Variants in SYNE1 observed in about 807,000 individuals in gnomAD.
The protein encoded by SYNE1 is spectrin repeat containing nuclear envelope protein 1, also known as nesprin-1.
Under a neutral mutation model 1,111.0 loss-of-function variants are expected in SYNE1, and 616 were observed. That is an observed-to-expected ratio of 0.55 (90% CI 0.52 to 0.59). The LOEUF (loss-of-function observed/expected upper bound fraction) is 0.59. SYNE1 is among the 20% of genes least tolerant of loss of function. The probability of loss-of-function intolerance (pLI) is 0.00; values close to 1 mark genes in which losing one functional copy is unlikely to be tolerated. For synonymous variants in SYNE1, 3,855 were observed against 3,825.8 expected, an observed-to-expected ratio of 1.01 and a Z score of -0.28; for missense variants, 10,006 against 10,417.0, an observed-to-expected ratio of 0.96 and a Z score of 1.72.
At position 152,241,793 on chromosome 6, in the gene SYNE1, C is replaced by T. The variant is rs576959066; in HGVS notation, c.19893+447G>A. ...TTTCTAGAGGAGAGCAAGGAGTGAGCGAGGAGTCCTTGACGAGGACAAGGG... is the reference window on the plus strand; with the variant it reads ...TTTCTAGAGGAGAGCAAGGAGTGAGTGAGGAGTCCTTGACGAGGACAAGGG... On this transcript the variant is annotated intron_variant, in intron 107 of 145. Coordinates refer to ENST00000367255, the MANE Select transcript of SYNE1 (RefSeq NM_182961.4). 2.0e-5 allele frequency among the ~76,000 whole-genome samples: 3 copies of T among 152,140 alleles called. No individual in the cohort carries two copies. In the East Asian group the frequency reaches 5.8e-4, roughly 29 times the overall value.
Position 152,122,084 on chromosome 6 carries a change from AG to A in SYNE1, c.*351del. 1 of 356,326 alleles carries A rather than the reference AG, an allele frequency of 2.8e-6. No individual in the cohort carries two copies. The highest frequency in any genetic ancestry group is 5.4e-6 in the Non-Finnish European group (1 of 185,304). 22.1% of individuals were successfully genotyped at this position (356,326 alleles called of 1,614,324 possible). A position where few individuals can be genotyped will look rare whatever the true frequency, so the allele number is the denominator to read the frequency against. ...GATGGTTGGAGCAGCACCATGGGAA[AG>A]CTGCCCAGATGGTCTACTGAAGTCC... On this transcript the variant is annotated 3_prime_UTR_variant, in exon 146 of 146. Transcript: ENST00000367255.
chr6:152,329,999 A>G lies in SYNE1; in HGVS notation c.14686T>C (p.Ser4896Pro). 6.2e-7 allele frequency: 1 copy of G among 1,614,142 alleles called. No individual in the cohort carries two copies. The highest frequency in any genetic ancestry group is 8.5e-7 in the Non-Finnish European group (1 of 1,180,038). Residue 4896 changes from serine (S) to proline (P), a missense_variant, in exon 78 of 146, where the codon TCC (serine) becomes CCC (proline). Ser to Pro is a moderately conservative substitution (Grantham distance 74). Coordinates refer to ENST00000367255, the MANE Select transcript of SYNE1 (RefSeq NM_182961.4). Reference protein sequence around the residue: ...SIDFQTEMSRSLDWLRRVKAE... With the variant: ...SIDFQTEMSRPLDWLRRVKAE... ...TTCACTCTCCTCAGCCAGTCCAGGG[A>G]GCGACTCATCTCAGTCTGGAAGTCT... is the stretch of plus-strand genomic sequence containing the variant.
chr6:152,502,569 A>T, intron 10 of SYNE1, 64 bp downstream of exon 10: 1 of 1,248,842 alleles, frequency 8.0e-7, no homozygotes, highest in Non-Finnish European at 1.2e-6. Flanking sequence ...AGAACAGTAT[A>T]CTCAAAAAGC....
Position 152,458,761 on chromosome 6 carries a change from T to G in SYNE1, c.2564A>C (p.His855Pro). The G allele has an allele frequency of 6.2e-7, 1 of 1,614,062 alleles. No individual in the cohort carries two copies. Among genetic ancestry groups the G allele is most frequent in the Non-Finnish European group, 8.5e-7 (1 of 1,179,938 alleles). The change falls in exon 22 of 146, where the codon CAT becomes CCT. Residue 855 changes from histidine to proline, a missense_variant. Physicochemically the swap from His to Pro is moderately conservative, Grantham distance 77. Around this residue, in one of 7 missense-constraint regions of SYNE1, gnomAD observed 1,971 missense variants for 2,084.1 expected, o/e 0.95. Coordinates refer to ENST00000367255, the MANE Select transcript of SYNE1 (RefSeq NM_182961.4). Reference sequence around the variant, plus strand: ...CCTGAAAAGGATTGTTCTCACCTGATGTTTTTGTTTAAAAAGGGCACTCGA... The same window carrying G: ...CCTGAAAAGGATTGTTCTCACCTGAGGTTTTTGTTTAAAAAGGGCACTCGA... ...AQSSALFKQK[H>P]QELLACQENC...
chr6:152,256,682 T>C lies in SYNE1; in HGVS notation c.19056A>G (p.Thr6352=). The C allele has an allele frequency of 1.2e-6, 2 of 1,614,042 alleles. No homozygotes were observed. Among genetic ancestry groups the C allele is most frequent in the Non-Finnish European group, 1.7e-6 (2 of 1,179,940 alleles). ...CTTGGTTCAGTCCATCCAGCAAAGA[T>C]GTAACTGCAGATTTATCTTGGGTTG... ...DVPTQDKSAV[T]SLLDGLNQAF... is the part of the protein sequence containing the mutation. The change falls in exon 102 of 146, where the codon ACA becomes ACG. Residue 6352 remains threonine (T), a synonymous_variant. Coordinates refer to ENST00000367255, the MANE Select transcript of SYNE1 (RefSeq NM_182961.4).
rs371457615 is a variant in SYNE1, at chr6:152,269,319, T to C, written c.18574-33A>G. On this transcript the variant is annotated intron_variant, in intron 98 of 145. Coordinates refer to ENST00000367255, the MANE Select transcript of SYNE1 (RefSeq NM_182961.4). ...TAACGAGGCAGAAATCAAGTCATGC[T>C]ACACACCGGAAAACCTTAACCAAAG... is the stretch of plus-strand genomic sequence containing the variant. 7.4e-6 allele frequency: 12 copies of C among 1,613,650 alleles called. No individual in the cohort carries two copies. The East Asian group carries it at 2.2e-4, about 30-fold the overall frequency.
intron 30 of SYNE1, among the ~76,000 whole-genome samples, chr6:152,442,789 T>C (rs1039364323): frequency 6.6e-6 from 1 of 151,982 alleles, no homozygotes; most frequent in Non-Finnish European, 1.5e-5. Flanking sequence ...TACAAAAATA[T>C]TAAAAAATTA....
chr6:152,261,449 G>C lies in SYNE1; in HGVS notation c.18972+583C>G, dbSNP rs138174115. ...TGCTGTCTTCAATTCCCTTGGATTT[G>C]GCATGCCTGGTGGAACCAAGCCCGA... On this transcript the variant is annotated intron_variant, in intron 101 of 145. Coordinates refer to ENST00000367255, the MANE Select transcript of SYNE1 (RefSeq NM_182961.4). Among the ~76,000 whole-genome samples the C allele has an allele frequency of 7.2e-5, 11 of 152,196 alleles. No individual in the cohort carries two copies. The East Asian group carries it at 2.1e-3, about 29-fold the overall frequency.
At chr6:152,628,584 T>A (rs2099690840) in intron 2 of SYNE1, 30 bp from the exon 3 acceptor site, 11 of 469,972 alleles carry the variant, frequency 2.3e-5, no homozygotes, top group Middle Eastern at 5.7e-4. Context: ...AGGTACAACA[T>A]AAAAAAAAAA....
rs772250233 is a variant in SYNE1, at chr6:152,364,898, C to T, written c.10094G>A (p.Ser3365Asn). The stretch of plus-strand genomic sequence containing the variant: ...AAGGGATGCCCACATATCCTTCACA[C>T]TCTGCAGCTGCTGCTGAATAGTGGG... ...GIPTIQQQLQ[S>N]VKDMWASLLS... The change falls in exon 63 of 146, where the codon AGT (serine) becomes AAT (asparagine). Residue 3365 changes from serine (S) to asparagine (N), a missense_variant. Transcript: ENST00000367255. 48 of 1,614,082 alleles carry T rather than the reference C, an allele frequency of 3.0e-5. No individual in the cohort carries two copies. Among genetic ancestry groups the T allele is most frequent in the Non-Finnish European group, 4.1e-5 (48 of 1,180,050 alleles).
Position 152,210,655 on chromosome 6 carries a change from C to A in SYNE1, c.22589+839G>T, listed in dbSNP as rs2077357948. On this transcript the variant is annotated intron_variant, in intron 124 of 145. Transcript: ENST00000367255. Reference sequence around the variant, plus strand: ...AATATCAAATTAATTTTAGTCACAACTACTGGTTCCTAAATATGAGAAAGG... The same window carrying A: ...AATATCAAATTAATTTTAGTCACAAATACTGGTTCCTAAATATGAGAAAGG... Among the ~76,000 whole-genome samples, 3 of 151,994 alleles carry A rather than the reference C, an allele frequency of 2.0e-5. No homozygotes were observed. The South Asian group carries it at 6.2e-4, about 32-fold the overall frequency.
Position 152,302,069 on chromosome 6 carries a change from G to A in SYNE1, c.17347-6C>T, listed in dbSNP as rs201692248. ...TTAATTTTCTGCGCCAGCTCCTGAG[G>A]AAACATTTCCCCCACCGGGGTGTCA... On this transcript the variant is annotated splice_region_variant and splice_polypyrimidine_tract_variant and intron_variant, in intron 91 of 145. Coordinates refer to ENST00000367255, the MANE Select transcript of SYNE1 (RefSeq NM_182961.4). 105 of 1,614,218 alleles carry A rather than the reference G, an allele frequency of 6.5e-5. 1 individual carries two copies. The Admixed American group carries it at 7.3e-4, about 11-fold the overall frequency.
At chr6:152,441,319 A>C (rs977482855) in intron 31 of SYNE1, 49 bp from the exon 32 acceptor site, 8 of 1,562,460 alleles carry the variant, frequency 5.1e-6, no homozygotes, top group African/African-American at 1.4e-5. Flanking sequence ...GTCACACAAT[A>C]CTATCATATT....
rs573798442 is a variant in SYNE1, at chr6:152,525,215, T to A, written c.225+865A>T. Among the ~76,000 whole-genome samples, 10 of 152,270 alleles carry A rather than the reference T, an allele frequency of 6.6e-5. No individual in the cohort carries two copies. The East Asian group carries it at 1.7e-3, about 26-fold the overall frequency. On this transcript the variant is annotated intron_variant, in intron 5 of 145. Coordinates refer to ENST00000367255, the MANE Select transcript of SYNE1 (RefSeq NM_182961.4). ...TTGAGGGCTCCCTGTACAAAATGAATGGAAATTAATTTTGAAGAGGTAAAA... is the reference window on the plus strand; with the variant it reads ...TTGAGGGCTCCCTGTACAAAATGAAAGGAAATTAATTTTGAAGAGGTAAAA...
rs570365196 is a variant in SYNE1 at position 152,394,879 on chromosome 6, G to A, written c.7712+637C>T. Among the ~76,000 whole-genome samples the A allele has an allele frequency of 4.8e-5, 6 of 126,234 alleles. No individual in the cohort carries two copies. In the East Asian group the frequency reaches 1.2e-3, roughly 25 times the overall value. The allele number at this position is 126,234 out of a possible 152,430, so 82.8% of individuals were successfully genotyped here. ...CGGCTCACTGCAACCTTTGCCTCCC[G>A]GATTCAAGCAATTCTGCCTCAGCCT... On this transcript the variant is annotated intron_variant, in intron 51 of 145. Transcript: ENST00000367255.
Position 152,407,187 on chromosome 6 carries a change from T to C in SYNE1, c.6550A>G (p.Lys2184Glu), listed in dbSNP as rs765343767. ...TVDKWLDVSE[K>E]LEENMDRLRV... is the part of the protein sequence containing the mutation. The stretch of plus-strand genomic sequence containing the variant: ...AGCCTATCCATGTTTTCTTCAAGTT[T>C]CTCTGATACCTAGGAGAGAAACAGA... The change falls in exon 45 of 146, where the codon AAA (lysine) becomes GAA (glutamate). Residue 2184 changes from lysine (K) to glutamate (E), a missense_variant. By Grantham distance (56) the Lys-to-Glu change is moderately conservative. Coordinates refer to ENST00000367255, the MANE Select transcript of SYNE1 (RefSeq NM_182961.4). 28 of 1,613,948 alleles carry C rather than the reference T, an allele frequency of 1.7e-5. No homozygotes were observed. The highest frequency in any genetic ancestry group is 1.6e-4 in the Middle Eastern group (1 of 6,062).
intron 19 of SYNE1, 115 bp downstream of exon 19, chr6:152,463,238 T>C (rs2098744721): frequency 7.0e-7 from 1 of 1,434,284 alleles, no homozygotes; most frequent in Non-Finnish European, 9.8e-7. Context: ...TTTAAACATA[T>C]CTATGCTTTG....
intron 64 of SYNE1, 53 bp from the exon 65 acceptor site, chr6:152,359,511 C>T (rs973786226): frequency 1.5e-5 from 24 of 1,607,740 alleles, no homozygotes; most frequent in Middle Eastern, 1.6e-4. Context: ...ATCACATCAA[C>T]GACACTGCTA....
chr6:152,239,385 C>T (rs2084997969), intron 108 of SYNE1, 148 bp downstream of exon 108: 2 of 897,634 alleles, frequency 2.2e-6, no homozygotes, highest in Non-Finnish European at 3.6e-6. Context: ...AACACAGAAC[C>T]ATAGGAAAAG....
Sources: allele counts gnomAD v4.1 joint callset (sites outside exome capture counted in the v4.1 genomes callset), GRCh38; gene constraint gnomAD v4.1.1; regional missense constraint gnomAD v4.1.1; transcripts MANE v1.5; gene names NCBI Gene and HGNC (gene_info 2026-07-23, HGNC 2026-07-21).